Variants in EYS observed in about 807,000 individuals in gnomAD.
EYS encodes protein eyes shut homolog.
A neutral mutation model predicts 282.1 loss-of-function variants in EYS; 250 were observed. The ratio of observed to expected loss-of-function variants is 0.89; its 90% CI spans 0.80 to 0.98. EYS has a LOEUF of 0.98. Ranked by LOEUF, EYS falls within the 50% of genes least tolerant of loss-of-function variation. EYS has a pLI of 0.00. For synonymous variants in EYS, 1,355 were observed against 1,282.9 expected (o/e 1.06, Z -1.20); for missense variants, 4,016 against 3,709.0 (o/e 1.08, Z -2.15).
intron 26 of EYS, among the ~76,000 whole-genome samples, chr6:64,543,457 T>G (rs1394685399): frequency 1.3e-5 from 2 of 152,266 alleles, no homozygotes; most frequent in African/African-American, 4.8e-5. Flanking sequence ...GGACAAATTT[T>G]CTTTGGATCT....
intron 10 of EYS, among the ~76,000 whole-genome samples, chr6:65,343,710 G>T (rs1367671502): frequency 6.6e-6 from 1 of 151,170 alleles, no homozygotes; most frequent in Non-Finnish European, 1.5e-5. Context: ...ATTTCATTAT[G>T]ATCTGTAAGC....
At chr6:65,481,635 G>C (rs902427892) in intron 5 of EYS, among the ~76,000 whole-genome samples, 1 of 152,136 alleles carries the variant, frequency 6.6e-6, no homozygotes, top group Non-Finnish European at 1.5e-5. Context: ...TGCAAGCTCC[G>C]CCTCCCGGGT....
chr6:65,507,065 C>T (rs528007224), intron 2 of EYS, among the ~76,000 whole-genome samples: 1 of 152,076 alleles, frequency 6.6e-6, no homozygotes, highest in South Asian at 2.1e-4. Context: ...GAGTTTCTGA[C>T]CTATATTATT....
At chr6:64,090,235 T>C (rs988872774) in intron 31 of EYS, among the ~76,000 whole-genome samples, 1 of 152,162 alleles carries the variant, frequency 6.6e-6, no homozygotes, top group Non-Finnish European at 1.5e-5. Flanking sequence ...ACTTTAGAAA[T>C]TCTCCCTGAG....
At chr6:65,617,518 T>C (rs1766247116) in intron 2 of EYS, among the ~76,000 whole-genome samples, 1 of 151,794 alleles carries the variant, frequency 6.6e-6, no homozygotes, top group Non-Finnish European at 1.5e-5. Context: ...ATTAGCAAAA[T>C]AAGTTCATAT....
At chr6:64,139,287 G>C (rs2150286848) in intron 31 of EYS, among the ~76,000 whole-genome samples, 1 of 152,162 alleles carries the variant, frequency 6.6e-6, no homozygotes, top group South Asian at 2.1e-4. Context: ...TTTGGCAACT[G>C]GGAAGTGGTC....
In EYS at chr6:63,731,312, G is replaced by A. The variant is rs74401212; in HGVS notation, c.8072-4632C>T. 2.4e-3 allele frequency among the ~76,000 whole-genome samples: 361 copies of A among 152,130 alleles called. 4 individuals are homozygous for A. Among genetic ancestry groups the A allele is most frequent in the Admixed American group, 0.02 (306 of 15,274 alleles). On this transcript the variant is annotated intron_variant, in intron 41 of 42. Coordinates refer to ENST00000503581, the MANE Select transcript of EYS (RefSeq NM_001142800.2). ...GATTACAAGTGAAGTTGAGTTTCTC[G>A]TGTGAATATTGGCCATTTGTGTTTT...
chr6:64,502,697 TG>T (rs10710003), intron 26 of EYS, among the ~76,000 whole-genome samples: 2,400 of 152,152 alleles, frequency 0.016, 21 homozygotes, highest in East Asian at 0.031. Flanking sequence ...TTGACAGTTT[TG>T]TTTTTTTTTT....
chr6:65,532,232 G>A (rs1429584231), intron 2 of EYS, among the ~76,000 whole-genome samples: 1 of 151,914 alleles, frequency 6.6e-6, no homozygotes, highest in Non-Finnish European at 1.5e-5. Context: ...AAAAATCTAA[G>A]ATTATAACCA....
At chr6:64,856,044 A>G (rs1766047550) in intron 19 of EYS, among the ~76,000 whole-genome samples, 1 of 152,142 alleles carries the variant, frequency 6.6e-6, no homozygotes, top group Non-Finnish European at 1.5e-5. Context: ...CCAGCTTTCA[A>G]CAATTATGAA....
Position 64,125,916 on chromosome 6 carries a change from CTTTT to C in EYS, c.6425-43918_6425-43915del, listed in dbSNP as rs111945672. ...GTATGCACATTTGCACTATTCTCTT[CTTTT>C]TTTTTTTTTTATTATACTTTAAGTT... On this transcript the variant is annotated intron_variant, in intron 31 of 42. Transcript: ENST00000503581. 4.0e-3 allele frequency among the ~76,000 whole-genome samples: 566 copies of C among 140,724 alleles called. 5 individuals are homozygous for C. The highest frequency in any genetic ancestry group is 0.013 in the African/African-American group (531 of 39,594). 92.3% of individuals were successfully genotyped at this position (140,724 alleles called of 152,430 possible).
At chr6:64,097,434 A>C (rs1045511897) in intron 31 of EYS, among the ~76,000 whole-genome samples, 3 of 151,722 alleles carry the variant, frequency 2.0e-5, no homozygotes, top group Non-Finnish European at 4.4e-5. Context: ...TTATTTACCT[A>C]CTCAAGCCTC....
chr6:65,396,452 ACT>A (rs540600576), intron 7 of EYS, among the ~76,000 whole-genome samples: 33 of 151,696 alleles, frequency 2.2e-4, no homozygotes, highest in African/African-American at 8.0e-4. Context: ...TCCCCATCAT[ACT>A]CTCTGTTGCC....
chr6:65,402,388 G>C (rs891745417), intron 7 of EYS, 90 bp downstream of exon 7: 1 of 942,234 alleles, frequency 1.1e-6, no homozygotes, highest in Admixed American at 1.9e-5. Context: ...TAAAAGTTAG[G>C]GTTAAAACCA....
intron 31 of EYS, among the ~76,000 whole-genome samples, chr6:64,096,332 A>G (rs1428968689): frequency 2.0e-5 from 3 of 152,212 alleles, no homozygotes; most frequent in African/African-American, 7.2e-5. Flanking sequence ...CCTGGATAAT[A>G]TACTGCAGAG....
intron 22 of EYS, among the ~76,000 whole-genome samples, chr6:64,686,765 GTGTATATA>G (rs1373165375): frequency 1.1e-3 from 14 of 12,938 alleles, no homozygotes; most frequent in Non-Finnish European, 2.2e-3. Flanking sequence ...ATATATATGT[GTGTATATA>G]TATATATATA....
intron 13 of EYS, among the ~76,000 whole-genome samples, chr6:65,024,975 G>A (rs1772361321): frequency 6.6e-6 from 1 of 152,122 alleles, no homozygotes; most frequent in South Asian, 2.1e-4. Flanking sequence ...GAATCAAATA[G>A]AAGCAGATAA....
chr6:64,034,995 A>T (rs1166715205), intron 33 of EYS, among the ~76,000 whole-genome samples: 1 of 152,226 alleles, frequency 6.6e-6, no homozygotes, highest in Admixed American at 6.5e-5. Flanking sequence ...ATAAACAGAG[A>T]ATAGCTAGAC....
At chr6:64,946,038 C>A (rs1471999027) in intron 14 of EYS, 124 bp from the exon 15 acceptor site, 6 of 660,088 alleles carry the variant, frequency 9.1e-6, no homozygotes, top group Non-Finnish European at 1.4e-5. Context: ...TTATAGAATG[C>A]CAATACTCCC....
Sources: gnomAD v4.1 joint callset for allele counts (sites outside exome capture counted in the v4.1 genomes callset) on GRCh38, gnomAD v4.1.1 for gene constraint, MANE v1.5 for transcripts, NCBI Gene and HGNC (gene_info 2026-07-23, HGNC 2026-07-21) for gene names.